ATL2: variants seen among roughly 807,000 people sequenced by gnomAD.
The protein encoded by ATL2 is atlastin-2.
ATL2 carries 31 observed loss-of-function variants against 73.9 expected under a neutral mutation model. That is an observed-to-expected ratio of 0.42 (90% confidence interval 0.32 to 0.57). The LOEUF (loss-of-function observed/expected upper bound fraction) is 0.57. Among genes scored for constraint, ATL2 ranks in the 20% least tolerant of loss-of-function variants. ATL2 has a pLI of 0.14. For missense variants in ATL2, 738 were observed against 702.6 expected (o/e 1.05, Z -0.57); for synonymous variants, 291 against 237.5 (o/e 1.23, Z -2.07).
intron 2 of ATL2, among the ~76,000 whole-genome samples, chr2:38,342,189 T>A (rs1669763263): frequency 6.6e-6 from 1 of 151,994 alleles, no homozygotes; most frequent in Non-Finnish European, 1.5e-5. Flanking sequence ...TCTGGTACCA[T>A]CTCAAAGTGA....
intron 2 of ATL2, among the ~76,000 whole-genome samples, chr2:38,329,373 G>C (rs1668848793): frequency 7.4e-6 from 1 of 134,850 alleles, no homozygotes; most frequent in South Asian, 2.4e-4. Context: ...GGGTGCAGTG[G>C]GCCAAGATCA....
intron 2 of ATL2, among the ~76,000 whole-genome samples, chr2:38,337,515 A>AAAAAC (rs1669437714): frequency 6.8e-6 from 1 of 146,624 alleles, no homozygotes; most frequent in African/African-American, 2.6e-5. Flanking sequence ...AAAAAAAAAA[A>AAAAAC]AAGGCAGTTG....
At chr2:38,365,934 C>T (rs13339886) in intron 1 of ATL2, among the ~76,000 whole-genome samples, 6,443 of 151,522 alleles carry the variant, frequency 0.043, 453 homozygotes, top group African/African-American at 0.15. Flanking sequence ...GCGACAAGAG[C>T]TAAACTCTGT....
At chr2:38,368,021 A>T (rs985441761) in intron 1 of ATL2, among the ~76,000 whole-genome samples, 1 of 145,604 alleles carries the variant, frequency 6.9e-6, no homozygotes. Flanking sequence ...TGCAAGCTCC[A>T]CCTTCCGGGT....
At chr2:38,320,557 A>G (rs573622715) in intron 2 of ATL2, among the ~76,000 whole-genome samples, 37 of 152,360 alleles carry the variant, frequency 2.4e-4, no homozygotes, top group African/African-American at 7.2e-4. Context: ...ACAAAAGTTA[A>G]CATATAAGGT....
At position 38,343,478 on chromosome 2, in the gene ATL2, A is replaced by G. The variant is rs1208969084; in HGVS notation, c.153T>C (p.Ser51=). The G allele has an allele frequency of 6.2e-7, 1 of 1,607,870 alleles. No homozygotes were observed. The highest frequency in any genetic ancestry group is 1.1e-5 in the South Asian group (1 of 90,350). The part of the protein sequence containing the change: ...ENYEDDDLVN[S]DEVMKKPCPV... ...GACATGGTTTCTTCATAACCTCATCAGAATTTACTAGGTCATCATCTTCAT... is the reference window on the plus strand; with the variant it reads ...GACATGGTTTCTTCATAACCTCATCGGAATTTACTAGGTCATCATCTTCAT... Residue 51 remains serine, a synonymous_variant, in exon 2 of 13, where the codon TCT becomes TCC. Coordinates refer to ENST00000378954, the MANE Select transcript of ATL2 (RefSeq NM_001135673.4).
chr2:38,351,307 G>C (rs1488727506), intron 1 of ATL2, among the ~76,000 whole-genome samples: 1 of 151,922 alleles, frequency 6.6e-6, no homozygotes, highest in Non-Finnish European at 1.5e-5. Flanking sequence ...GTTATACGAT[G>C]GTTAAATATA....
At chr2:38,327,416 A>G (rs1277698619) in intron 2 of ATL2, among the ~76,000 whole-genome samples, 2 of 152,146 alleles carry the variant, frequency 1.3e-5, no homozygotes, top group South Asian at 2.1e-4. Flanking sequence ...TGCAAACTCC[A>G]GGCAGCCACC....
intron 2 of ATL2, 79 bp downstream of exon 2, chr2:38,343,176 AAAGATATAGTTCT>A: frequency 1.5e-6 from 1 of 665,800 alleles, no homozygotes; most frequent in Non-Finnish European, 2.2e-6. Context: ...AAAAAAAAAA[AAAGATATAGTTCT>A]GGTTTTTGTC....
intron 2 of ATL2, among the ~76,000 whole-genome samples, chr2:38,320,062 G>A (rs992809764): frequency 2.6e-5 from 4 of 151,982 alleles, no homozygotes; most frequent in Admixed American, 1.3e-4. Context: ...AGCAGAGATC[G>A]CGCCACTGCA....
intron 9 of ATL2, among the ~76,000 whole-genome samples, chr2:38,307,102 A>G (rs1667488815): frequency 6.6e-6 from 1 of 152,138 alleles, no homozygotes; most frequent in African/African-American, 2.4e-5. Flanking sequence ...TCACACCTGT[A>G]ATCCCAGCAC....
At chr2:38,296,251 C>A in intron 12 of ATL2, 138 bp from the exon 13 acceptor site, 1 of 1,430,306 alleles carries the variant, frequency 7.0e-7, no homozygotes, top group Non-Finnish European at 9.1e-7. Context: ...ATGCTTCTCT[C>A]AAAAAAACTT....
At chr2:38,318,777 G>A (rs1047540681) in intron 3 of ATL2, 108 bp downstream of exon 3, 75 of 1,356,624 alleles carry the variant, frequency 5.5e-5, no homozygotes, top group South Asian at 7.0e-5. Flanking sequence ...ATAATAATCC[G>A]TATGTTAAAG....
At chr2:38,320,023 A>C (rs1003856632) in intron 2 of ATL2, among the ~76,000 whole-genome samples, 1 of 152,138 alleles carries the variant, frequency 6.6e-6, no homozygotes, top group Admixed American at 6.5e-5. Context: ...CAAGAGAATC[A>C]CTTGAACCCG....
At chr2:38,324,134 C>G (rs1668473463) in intron 2 of ATL2, among the ~76,000 whole-genome samples, 1 of 152,102 alleles carries the variant, frequency 6.6e-6, no homozygotes, top group South Asian at 2.1e-4. Context: ...AAAAATTAGC[C>G]AAGCATGGTG....
At chr2:38,336,532 G>A (rs187846514) in intron 2 of ATL2, among the ~76,000 whole-genome samples, 77 of 152,280 alleles carry the variant, frequency 5.1e-4, no homozygotes. Context: ...CAACTCTGAA[G>A]TAAACCAAAG....
At chr2:38,347,105 T>C (rs1029133499) in intron 1 of ATL2, among the ~76,000 whole-genome samples, 2 of 152,330 alleles carry the variant, frequency 1.3e-5, no homozygotes, top group Non-Finnish European at 2.9e-5. Flanking sequence ...TCTCCCCTCT[T>C]GGATTGCCAA....
intron 2 of ATL2, among the ~76,000 whole-genome samples, chr2:38,335,050 C>T (rs1466035876): frequency 2.1e-5 from 3 of 141,670 alleles, no homozygotes; most frequent in Admixed American, 7.4e-5. Flanking sequence ...AATTTTAAAT[C>T]AACAAAATAC....
intron 2 of ATL2, among the ~76,000 whole-genome samples, chr2:38,334,030 T>TTA (rs1400766306): frequency 6.9e-6 from 1 of 144,450 alleles, no homozygotes; most frequent in South Asian, 2.2e-4. Context: ...CCAATCCTCT[T>TTA]TTTTTTTTTT....
Sources: allele counts gnomAD v4.1 joint callset (sites outside exome capture counted in the v4.1 genomes callset), GRCh38; gene constraint gnomAD v4.1.1; transcripts MANE v1.5; gene names NCBI Gene and HGNC (gene_info 2026-07-23, HGNC 2026-07-21).